NKAIN2: variants seen among roughly 807,000 people sequenced by gnomAD.
NKAIN2 encodes the protein sodium/potassium transporting ATPase interacting 2, also known as sodium/potassium-transporting ATPase subunit beta-1-interacting protein 2.
In NKAIN2, 14 loss-of-function variants were observed where a neutral mutation model predicts 32.6. The observed-to-expected ratio is 0.43, with a 90% CI of 0.28 to 0.67. The LOEUF (loss-of-function observed/expected upper bound fraction) is 0.67, where lower values mean the gene tolerates loss of function less well. Ranked by LOEUF, NKAIN2 falls within the 30% of genes least tolerant of loss-of-function variation. The pLI is 0.17. For synonymous variants in NKAIN2, 80 were observed against 87.2 expected, an observed-to-expected ratio of 0.92 and a Z score of 0.46; for missense variants, 198 against 258.3, an observed-to-expected ratio of 0.77 and a Z score of 1.60.
chr6:124,729,810 C>G (rs939874229), intron 4 of NKAIN2, among the ~76,000 whole-genome samples: 2 of 151,860 alleles, frequency 1.3e-5, no homozygotes, highest in African/African-American at 4.8e-5. Context: ...CTAGAAAACC[C>G]CATTGTCTCA....
intron 1 of NKAIN2, among the ~76,000 whole-genome samples, chr6:124,178,597 G>A (rs528056608): frequency 3.9e-5 from 6 of 152,150 alleles, no homozygotes; most frequent in African/African-American, 7.2e-5. Flanking sequence ...ACACCTGGCC[G>A]ACATACATTA....
chr6:124,492,430 T>C (rs1777901464), intron 3 of NKAIN2, among the ~76,000 whole-genome samples: 1 of 151,958 alleles, frequency 6.6e-6, no homozygotes, highest in Non-Finnish European at 1.5e-5. Flanking sequence ...AGATAAAATC[T>C]TCAGGATTTA....
chr6:124,308,977 T>C (rs1357052758), intron 2 of NKAIN2, among the ~76,000 whole-genome samples: 2 of 152,166 alleles, frequency 1.3e-5, no homozygotes, highest in Non-Finnish European at 2.9e-5. Context: ...AGAATGATAA[T>C]ACCTATCGAC....
At chr6:124,154,983 G>A (rs1787909121) in intron 1 of NKAIN2, among the ~76,000 whole-genome samples, 1 of 152,086 alleles carries the variant, frequency 6.6e-6, no homozygotes, top group Non-Finnish European at 1.5e-5. Flanking sequence ...CCACATGGCA[G>A]GAAAAGAATT....
intron 3 of NKAIN2, among the ~76,000 whole-genome samples, chr6:124,360,342 T>G (rs916908475): frequency 1.3e-5 from 2 of 152,074 alleles, no homozygotes; most frequent in Non-Finnish European, 2.9e-5. Context: ...TCTTTTCTGC[T>G]TTTCCTAATG....
intron 3 of NKAIN2, among the ~76,000 whole-genome samples, chr6:124,458,450 G>GCT (rs149235437): frequency 0.023 from 3,460 of 151,896 alleles, 120 homozygotes; most frequent in African/African-American, 0.079. Flanking sequence ...GTAGGCTACA[G>GCT]CTCTCTCTCT....
At chr6:123,838,239 A>G (rs1417513272) in intron 1 of NKAIN2, among the ~76,000 whole-genome samples, 7 of 152,188 alleles carry the variant, frequency 4.6e-5, no homozygotes, top group Non-Finnish European at 7.4e-5. Context: ...GAATAACCAT[A>G]AGCCAAAGTC....
intron 1 of NKAIN2, among the ~76,000 whole-genome samples, chr6:123,806,261 G>A (rs1254651724): frequency 6.6e-6 from 1 of 152,020 alleles, no homozygotes; most frequent in African/African-American, 2.4e-5. Flanking sequence ...AGTGTACATT[G>A]GAATCCTAAG....
At chr6:124,804,653 G>A (rs1291970516) in intron 5 of NKAIN2, 2 of 152,380 alleles carry the variant, frequency 1.3e-5, no homozygotes, top group African/African-American at 2.4e-5. Flanking sequence ...AGGTCAGTGG[G>A]TGCAGCGCAC....
intron 2 of NKAIN2, among the ~76,000 whole-genome samples, chr6:124,285,408 C>T (rs1202774974): frequency 6.6e-6 from 1 of 152,090 alleles, no homozygotes; most frequent in African/African-American, 2.4e-5. Context: ...CCCATAAACT[C>T]ATAGGCATAT....
At chr6:123,839,097 A>C (rs1774753250) in intron 1 of NKAIN2, among the ~76,000 whole-genome samples, 2 of 152,084 alleles carry the variant, frequency 1.3e-5, no homozygotes, top group Admixed American at 1.3e-4. Context: ...GCTTAGGGGG[A>C]GAGGGACTCT....
intron 1 of NKAIN2, among the ~76,000 whole-genome samples, chr6:124,016,465 T>A (rs1420085455): frequency 6.6e-6 from 1 of 152,238 alleles, no homozygotes; most frequent in Non-Finnish European, 1.5e-5. Context: ...AACTGCTGTA[T>A]GAATTCATGC....
At chr6:124,054,467 A>G (rs911239025) in intron 1 of NKAIN2, among the ~76,000 whole-genome samples, 19 of 152,078 alleles carry the variant, frequency 1.2e-4, no homozygotes, top group African/African-American at 4.3e-4. Context: ...CCTATTAAAT[A>G]TTGGTGAGTG....
chr6:124,254,432 C>G (rs909384072), intron 1 of NKAIN2, among the ~76,000 whole-genome samples: 1 of 152,104 alleles, frequency 6.6e-6, no homozygotes, highest in African/African-American at 2.4e-5. Flanking sequence ...TTTCTTCTTG[C>G]TTTTTGTGGT....
chr6:124,025,930 C>G, intron 1 of NKAIN2, among the ~76,000 whole-genome samples: 1 of 152,128 alleles, frequency 6.6e-6, no homozygotes. Flanking sequence ...AATTCTCTGA[C>G]CTACCTTGCC....
intron 4 of NKAIN2, among the ~76,000 whole-genome samples, chr6:124,761,989 G>T (rs79556101): frequency 0.017 from 2,599 of 152,036 alleles, 61 homozygotes; most frequent in African/African-American, 0.058. Context: ...CTCACTCCCT[G>T]GTTCTCTCAC....
rs116490560 is a variant in NKAIN2 at position 124,776,982 on chromosome 6, T to C, written c.475-14357T>C. On this transcript the variant is annotated intron_variant, in intron 4 of 6. Coordinates refer to ENST00000368417, the MANE Select transcript of NKAIN2 (RefSeq NM_001040214.3). ...ATTTAGATTAAAGGCTTAGATGTTG[T>C]ATTATCATTAATAAAGAGAAATAGT... is the stretch of plus-strand genomic sequence containing the variant. Among the ~76,000 whole-genome samples the C allele has an allele frequency of 7.3e-3, 1,111 of 152,300 alleles. 15 individuals carry two copies. Among genetic ancestry groups the C allele is most frequent in the African/African-American group, 0.026 (1,063 of 41,574 alleles).
At chr6:124,041,725 GA>G (rs926988899) in intron 1 of NKAIN2, among the ~76,000 whole-genome samples, 33 of 151,792 alleles carry the variant, frequency 2.2e-4, no homozygotes, top group African/African-American at 5.8e-4. Flanking sequence ...AATAAAAAGG[GA>G]AAAAAACAGT....
chr6:124,610,315 C>CTA (rs1456366311), intron 3 of NKAIN2, among the ~76,000 whole-genome samples: 3 of 152,126 alleles, frequency 2.0e-5, no homozygotes, highest in African/African-American at 7.2e-5. Context: ...TAACACATAA[C>CTA]CGTCAGTCAA....
Sources: gnomAD v4.1 joint callset for allele counts (sites outside exome capture counted in the v4.1 genomes callset) on GRCh38, gnomAD v4.1.1 for gene constraint, MANE v1.5 for transcripts, NCBI Gene and HGNC (gene_info 2026-07-23, HGNC 2026-07-21) for gene names.